The following ORC5 variants were observed in gnomAD, a reference collection of about 807,000 sequenced individuals.
ORC5 encodes the protein protein phosphatase 1, regulatory subunit 117.
ORC5 carries 39 observed loss-of-function variants against 58.8 expected under a neutral mutation model. The observed-to-expected ratio is 0.66, with a 90% CI of 0.51 to 0.87. ORC5 has a LOEUF of 0.87. Ranked by LOEUF, ORC5 falls within the 40% of genes least tolerant of loss-of-function variation. ORC5 has a pLI of 0.00. For missense variants in ORC5, 493 were observed against 506.3 expected (o/e 0.97, Z 0.25); for synonymous variants, 218 against 177.6 (o/e 1.23, Z -1.81).
intron 11 of ORC5, among the ~76,000 whole-genome samples, chr7:104,163,541 T>C (rs927674507): frequency 1.3e-5 from 2 of 152,130 alleles, no homozygotes; most frequent in East Asian, 1.9e-4. Context: ...GGCTGGAGTG[T>C]AGTAGCGTGA....
intron 4 of ORC5, among the ~76,000 whole-genome samples, chr7:104,196,042 G>C (rs773050474): frequency 7.2e-5 from 11 of 152,108 alleles, no homozygotes; most frequent in Non-Finnish European, 1.6e-4. Context: ...TAAAAATCAA[G>C]CATGTTTGCA....
intron 12 of ORC5, among the ~76,000 whole-genome samples, chr7:104,149,588 C>T (rs572489675): frequency 2.6e-5 from 4 of 152,244 alleles, no homozygotes; most frequent in South Asian, 2.1e-4. Context: ...GGTTTTACTA[C>T]TAAATTTTTA....
intron 5 of ORC5, among the ~76,000 whole-genome samples, chr7:104,189,846 A>G (rs1799634353): frequency 6.6e-6 from 1 of 152,174 alleles, no homozygotes; most frequent in Non-Finnish European, 1.5e-5. Flanking sequence ...ATCAAACCTG[A>G]GGAGGGGCTC....
At chr7:104,160,809 T>C (rs1799009481) in intron 12 of ORC5, among the ~76,000 whole-genome samples, 1 of 152,166 alleles carries the variant, frequency 6.6e-6, no homozygotes, top group Non-Finnish European at 1.5e-5. Flanking sequence ...TTATGATTAT[T>C]TAATTTTAAA....
In ORC5 at chr7:104,133,928, T is replaced by C. The variant is rs906503819; in HGVS notation, c.1262+2853A>G. On this transcript the variant is annotated intron_variant, in intron 13 of 13. Coordinates refer to ENST00000297431, the MANE Select transcript of ORC5 (RefSeq NM_002553.4). This position sits in a 1 kb window ranked among gnomAD's most constrained non-coding sequence, Gnocchi z 4.7. ...AAAGGTTCTGGGAAAGTGGAGGAGATGGAATTCAGAGCATAGGTAGAAGAA... is the reference window on the plus strand; with the variant it reads ...AAAGGTTCTGGGAAAGTGGAGGAGACGGAATTCAGAGCATAGGTAGAAGAA... Among the ~76,000 whole-genome samples the C allele has an allele frequency of 4.0e-5, 6 of 151,656 alleles. No homozygotes were observed. The highest frequency in any genetic ancestry group is 3.4e-3 in the Middle Eastern group (1 of 292).
intron 13 of ORC5, among the ~76,000 whole-genome samples, chr7:104,134,271 C>G (rs1798555352): frequency 6.6e-6 from 1 of 151,628 alleles, no homozygotes; most frequent in South Asian, 2.1e-4. Flanking sequence ...AAAAATTAGC[C>G]AGGCATGGTG....
intron 2 of ORC5, among the ~76,000 whole-genome samples, chr7:104,203,678 T>C (rs1800001994): frequency 6.6e-6 from 1 of 152,210 alleles, no homozygotes; most frequent in Admixed American, 6.5e-5. Context: ...TTAACCACTG[T>C]GTTATGAAAG....
chr7:104,151,504 A>G (rs1186400523), intron 12 of ORC5, among the ~76,000 whole-genome samples: 1 of 152,186 alleles, frequency 6.6e-6, no homozygotes, highest in African/African-American at 2.4e-5. Context: ...ACTAAAAACT[A>G]GAAACTATAT....
chr7:104,184,214 C>G (rs200547080), intron 6 of ORC5, 43 bp from the exon 7 acceptor site: 2 of 1,202,460 alleles, frequency 1.7e-6, no homozygotes, highest in Admixed American at 2.5e-5. Context: ...AAGCACTGAT[C>G]GATCACAATT....
intron 13 of ORC5, among the ~76,000 whole-genome samples, chr7:104,127,474 T>C (rs1244874917): frequency 6.6e-6 from 1 of 152,172 alleles, no homozygotes; most frequent in Non-Finnish European, 1.5e-5. Context: ...GCAGGCAGAA[T>C]AAAATAGCAG....
chr7:104,194,102 T>TTC lies in ORC5; in HGVS notation c.553+1040_553+1041insGA, dbSNP rs1296173915. ...AGTGCTGACACAGGTACAGAGCCTT[T>TTC]TTTTTTTTTTTTTAAATAAAATCCT... On this transcript the variant is annotated intron_variant, in intron 5 of 13. Transcript: ENST00000297431. Among the ~76,000 whole-genome samples, 3 of 146,336 alleles carry TTC rather than the reference T, an allele frequency of 2.1e-5. No individual in the cohort carries two copies. The East Asian group carries it at 5.8e-4, about 28-fold the overall frequency.
At chr7:104,175,567 A>G (rs1029335418) in intron 8 of ORC5, among the ~76,000 whole-genome samples, 4 of 152,250 alleles carry the variant, frequency 2.6e-5, no homozygotes, top group African/African-American at 9.6e-5. Flanking sequence ...GTGATGGAAC[A>G]GTTAATTTAA....
Position 104,180,061 on chromosome 7 carries a change from C to A in ORC5, c.824+3882G>T, listed in dbSNP as rs538523965. 2.0e-5 allele frequency among the ~76,000 whole-genome samples: 3 copies of A among 152,252 alleles called. No individual in the cohort carries two copies. In the South Asian group the frequency reaches 6.2e-4, roughly 32 times the overall value. ...CTTTTCTTAATGTGTCTGAATTATTCCATGTAACCAGAAAAGTTCCCATGC... is the reference window on the plus strand; with the variant it reads ...CTTTTCTTAATGTGTCTGAATTATTACATGTAACCAGAAAAGTTCCCATGC... On this transcript the variant is annotated intron_variant, in intron 8 of 13. Coordinates refer to ENST00000297431, the MANE Select transcript of ORC5 (RefSeq NM_002553.4).
intron 11 of ORC5, among the ~76,000 whole-genome samples, chr7:104,162,617 T>C (rs1464922433): frequency 6.6e-6 from 1 of 152,246 alleles, no homozygotes; most frequent in East Asian, 1.9e-4. Context: ...GAAATTATTT[T>C]CCAGGTCTTA....
chr7:104,130,493 T>C (rs1473412500), intron 13 of ORC5, among the ~76,000 whole-genome samples: 1 of 152,186 alleles, frequency 6.6e-6, no homozygotes, highest in African/African-American at 2.4e-5. Flanking sequence ...TGGTGTCCTG[T>C]GCAAAAAGCT....
intron 8 of ORC5, among the ~76,000 whole-genome samples, chr7:104,173,622 C>A (rs1316287925): frequency 6.6e-6 from 1 of 152,178 alleles, no homozygotes; most frequent in Non-Finnish European, 1.5e-5. Flanking sequence ...TCATTAAGGG[C>A]ACCTTAATAA....
chr7:104,204,693 G>C (rs1800031373), intron 1 of ORC5, among the ~76,000 whole-genome samples: 2 of 152,116 alleles, frequency 1.3e-5, no homozygotes, highest in Admixed American at 6.5e-5. Context: ...AATTTCAAGG[G>C]TCCTCATTCT....
intron 2 of ORC5, chr7:104,202,667 T>G (rs1490481989): frequency 1.2e-5 from 4 of 344,696 alleles, no homozygotes; most frequent in African/African-American, 8.6e-5. Context: ...GTTTTATTGC[T>G]TTTATTCAAC....
chr7:104,146,946 A>C (rs934917391), intron 12 of ORC5, among the ~76,000 whole-genome samples: 1 of 152,210 alleles, frequency 6.6e-6, no homozygotes, highest in Non-Finnish European at 1.5e-5. Flanking sequence ...GAGAATACAC[A>C]TTATGTTTTA....
Sources: allele counts gnomAD v4.1 joint callset (sites outside exome capture counted in the v4.1 genomes callset), GRCh38; gene constraint gnomAD v4.1.1; non-coding constraint Gnocchi (gnomAD v3.1); transcripts MANE v1.5; gene names NCBI Gene and HGNC (gene_info 2026-07-23, HGNC 2026-07-21).